Variants in GREB1L observed in about 807,000 individuals in gnomAD.
GREB1L encodes the protein GREB1-like protein.
A neutral mutation model predicts 200.8 loss-of-function variants in GREB1L; 17 were observed. The ratio of observed to expected loss-of-function variants is 0.08; its 90% CI spans 0.06 to 0.13. GREB1L has a LOEUF of 0.13. GREB1L is among the 10% of genes least tolerant of loss of function. The pLI is 1.00. For synonymous variants in GREB1L, 789 were observed against 893.0 expected, an observed-to-expected ratio of 0.88 and a Z score of 2.08; for missense variants, 1,657 against 2,367.7, an observed-to-expected ratio of 0.70 and a Z score of 6.23.
chr18:21,518,154 T>C lies in GREB1L; in HGVS notation c.5392T>C (p.Tyr1798His), dbSNP rs918147031. The C allele has an allele frequency of 6.4e-7, 1 of 1,551,676 alleles. No individual in the cohort carries two copies. Among genetic ancestry groups the C allele is most frequent in the Non-Finnish European group, 8.7e-7 (1 of 1,146,990 alleles). The change falls in exon 31 of 33, where the codon TAT becomes CAT. Residue 1798 changes from tyrosine to histidine, a missense_variant. Tyr to His is a moderately conservative substitution (Grantham distance 83, BLOSUM62 2). Coordinates refer to ENST00000424526, the MANE Select transcript of GREB1L (RefSeq NM_001142966.3). Reference protein sequence around the residue: ...LLEKFLQHASYKLFPKAIHNF... With the variant: ...LLEKFLQHASHKLFPKAIHNF... ...GGAGAAATTCCTTCAGCACGCCTCA[T>C]ATAAACTCTTCCCCAAAGCCATCCA...
intron 27 of GREB1L, among the ~76,000 whole-genome samples, chr18:21,510,232 T>C (rs1392236603): frequency 1.3e-5 from 2 of 150,188 alleles, no homozygotes; most frequent in African/African-American, 4.9e-5. Flanking sequence ...AAAAAAAAAG[T>C]ACTGCTTTAA....
At position 21,415,933 on chromosome 18, in the gene GREB1L, G is replaced by A. The variant is rs1374061117; in HGVS notation, c.832+11939G>A. 5.3e-5 allele frequency among the ~76,000 whole-genome samples: 8 copies of A among 152,172 alleles called. No individual in the cohort carries two copies. In the South Asian group the frequency reaches 8.3e-4, roughly 16 times the overall value. ...ACTCAGCACCCAACTAGATAAAATCGACAATGCCTGACATCCAGTGAAAGA... is the reference window on the plus strand; with the variant it reads ...ACTCAGCACCCAACTAGATAAAATCAACAATGCCTGACATCCAGTGAAAGA... On this transcript the variant is annotated intron_variant, in intron 7 of 32. Transcript: ENST00000424526.
At chr18:21,289,733 T>G (rs2038417257) in intron 1 of GREB1L, among the ~76,000 whole-genome samples, 1 of 152,214 alleles carries the variant, frequency 6.6e-6, no homozygotes, top group Non-Finnish European at 1.5e-5. Context: ...AAATGTACAG[T>G]CACTGTGATA....
At position 21,495,756 on chromosome 18, in the gene GREB1L, C is replaced by G. The variant is rs1379201178; in HGVS notation, c.3117C>G (p.Gly1039=). ...TACCTTGTATTGTGATATTAACTGG[C>G]AAAGATCCTCTTGGAGAAACCTTTC... The part of the protein sequence containing the change: ...DGLPCIVILT[G]KDPLGETFPR... Residue 1039 remains glycine, a synonymous_variant, in exon 20 of 33, where the codon GGC becomes GGG. Transcript: ENST00000424526. The G allele has an allele frequency of 6.5e-7, 1 of 1,540,026 alleles. No individual in the cohort carries two copies. Among genetic ancestry groups the G allele is most frequent in the South Asian group, 1.2e-5 (1 of 83,230 alleles).
Position 21,449,563 on chromosome 18 carries a change from A to G in GREB1L, c.1447A>G (p.Met483Val), listed in dbSNP as rs1392509424. The stretch of plus-strand genomic sequence containing the variant: ...ATTTGAGCAAATTATGCTGAAAGCT[A>G]TGCAAGAATTTACTCTGAGAGAAAG... ...EEFEQIMLKA[M>V]QEFTLRERAL... Residue 483 changes from methionine to valine, a missense_variant, in exon 12 of 33, where the codon ATG (methionine) becomes GTG (valine). Around this residue, in one of 9 missense-constraint regions of GREB1L, gnomAD observed 289 missense variants for 345.1 expected, o/e 0.84. Coordinates refer to ENST00000424526, the MANE Select transcript of GREB1L (RefSeq NM_001142966.3). 5.2e-6 allele frequency: 8 copies of G among 1,551,370 alleles called. No individual in the cohort carries two copies. The highest frequency in any genetic ancestry group is 7.0e-6 in the Non-Finnish European group (8 of 1,146,836).
intron 5 of GREB1L, among the ~76,000 whole-genome samples, chr18:21,397,015 T>C (rs2041093014): frequency 6.6e-6 from 1 of 152,212 alleles, no homozygotes; most frequent in South Asian, 2.1e-4. Flanking sequence ...TGATGTGTAT[T>C]TATTTTTGTA....
intron 15 of GREB1L, among the ~76,000 whole-genome samples, chr18:21,459,381 G>T (rs769373864): frequency 3.4e-5 from 5 of 147,144 alleles, no homozygotes; most frequent in Non-Finnish European, 7.4e-5. Context: ...CGCCCTTCAG[G>T]TTCAAGTGAT....
At chr18:21,410,410 CT>C (rs1239487569) in intron 7 of GREB1L, among the ~76,000 whole-genome samples, 5 of 152,042 alleles carry the variant, frequency 3.3e-5, no homozygotes, top group African/African-American at 1.2e-4. Context: ...AATCCCAGCA[CT>C]TTGGGAGGCT....
chr18:21,343,143 A>G (rs2039292685), intron 1 of GREB1L, among the ~76,000 whole-genome samples: 1 of 152,102 alleles, frequency 6.6e-6, no homozygotes, highest in South Asian at 2.1e-4. Context: ...GAAAAAAAAA[A>G]AAGGGAGTTA....
intron 28 of GREB1L, among the ~76,000 whole-genome samples, chr18:21,514,599 G>A (rs764479240): frequency 6.6e-6 from 1 of 152,176 alleles, no homozygotes; most frequent in Non-Finnish European, 1.5e-5. Context: ...CCTGGTTTTA[G>A]CCCCAACTCT....
At chr18:21,314,384 C>T (rs2038837019) in intron 1 of GREB1L, among the ~76,000 whole-genome samples, 1 of 152,004 alleles carries the variant, frequency 6.6e-6, no homozygotes, top group Non-Finnish European at 1.5e-5. Context: ...CACTTTCACA[C>T]GAGGTCAAAA....
intron 5 of GREB1L, among the ~76,000 whole-genome samples, chr18:21,397,756 A>T (rs188396908): frequency 3.9e-5 from 6 of 152,308 alleles, no homozygotes; most frequent in Admixed American, 2.0e-4. Flanking sequence ...ATGGTTTAAT[A>T]TAGAAGTCTA....
intron 15 of GREB1L, among the ~76,000 whole-genome samples, chr18:21,471,948 T>C (rs755439237): frequency 1.8e-4 from 27 of 152,198 alleles, no homozygotes; most frequent in Non-Finnish European, 3.5e-4. Flanking sequence ...AAAATCACAG[T>C]ACCTGCCAAA....
intron 1 of GREB1L, among the ~76,000 whole-genome samples, chr18:21,249,429 T>G (rs1413191947): frequency 6.6e-6 from 1 of 152,222 alleles, no homozygotes; most frequent in Non-Finnish European, 1.5e-5. Context: ...TAACAAACTG[T>G]CTGCTTACTA....
chr18:21,389,397 A>C (rs1223963015), intron 4 of GREB1L, among the ~76,000 whole-genome samples: 5 of 82,530 alleles, frequency 6.1e-5, no homozygotes, highest in Non-Finnish European at 7.9e-5. Flanking sequence ...GAACCTCTTG[A>C]CTTTTTTTTT....
intron 1 of GREB1L, among the ~76,000 whole-genome samples, chr18:21,289,526 C>T (rs1567923518): frequency 6.6e-6 from 1 of 151,846 alleles, no homozygotes; most frequent in Non-Finnish European, 1.5e-5. Context: ...CTGGGAGACA[C>T]AGTGAGACCA....
At chr18:21,457,964 G>GT (rs11414940) in intron 15 of GREB1L, among the ~76,000 whole-genome samples, 34,157 of 117,796 alleles carry the variant, frequency 0.29, 7,196 homozygotes, top group African/African-American at 0.56. Flanking sequence ...AGCAAGGACA[G>GT]TTTTTTTTTT....
At chr18:21,282,504 GTGA>G (rs1344586890) in intron 1 of GREB1L, among the ~76,000 whole-genome samples, 1 of 151,994 alleles carries the variant, frequency 6.6e-6, no homozygotes, top group African/African-American at 2.4e-5. Flanking sequence ...AATTTAAATT[GTGA>G]TGATAAAACA....
At chr18:21,466,556 G>T (rs2035270025) in intron 15 of GREB1L, among the ~76,000 whole-genome samples, 1 of 152,070 alleles carries the variant, frequency 6.6e-6, no homozygotes, top group African/African-American at 2.4e-5. Flanking sequence ...CAAAAGAAGT[G>T]CAAAGCTTAT....
Sources: gnomAD v4.1 joint callset for allele counts (sites outside exome capture counted in the v4.1 genomes callset) on GRCh38, gnomAD v4.1.1 for gene constraint, gnomAD v4.1.1 regional missense constraint, MANE v1.5 for transcripts, NCBI Gene and HGNC (gene_info 2026-07-23, HGNC 2026-07-21) for gene names.